Variants in GCNT1 observed in about 807,000 individuals in gnomAD.
GCNT1 encodes the protein beta-1,3-galactosyl-O-glycosyl-glycoprotein beta-1,6-N-acetylglucosaminyltransferase.
In GCNT1, 16 loss-of-function variants were observed where a neutral mutation model predicts 26.2. The observed-to-expected ratio is 0.61, with a 90% CI of 0.41 to 0.93. GCNT1 has a LOEUF of 0.93. Ranked by LOEUF, GCNT1 falls within the 40% of genes least tolerant of loss-of-function variation. The pLI is 0.00. For synonymous variants in GCNT1, 183 were observed against 190.8 expected, an observed-to-expected ratio of 0.96 and a Z score of 0.34; for missense variants, 477 against 526.7, an observed-to-expected ratio of 0.91 and a Z score of 0.92.
the GCNT1 span, among the ~76,000 whole-genome samples, chr9:76,404,198 T>C: frequency 6.6e-6 from 1 of 152,242 alleles, no homozygotes; most frequent in Admixed American, 6.5e-5. Context: ...TATAAAATTA[T>C]TTCAGTTTGT....
At chr9:76,491,001 T>TGGGA (rs1363562907) in intron 2 of GCNT1, among the ~76,000 whole-genome samples, 3 of 152,276 alleles carry the variant, frequency 2.0e-5, no homozygotes, top group Admixed American at 6.5e-5. Context: ...GTTACAGTGT[T>TGGGA]ACAGGGAAGA....
At chr9:76,439,095 C>T (rs929118921), upstream of GCNT1, among the ~76,000 whole-genome samples, 3 of 152,176 alleles carry the variant, frequency 2.0e-5, no homozygotes, top group African/African-American at 7.2e-5. Context: ...TGTTGTAAGC[C>T]AGTGGTTCTG....
upstream of GCNT1, among the ~76,000 whole-genome samples, chr9:76,455,237 T>C (rs1388483197): frequency 6.6e-6 from 1 of 152,184 alleles, no homozygotes; most frequent in Non-Finnish European, 1.5e-5. Context: ...AAGGGGCTTA[T>C]TCCAAATTCC....
upstream of GCNT1, chr9:76,459,021 C>G (rs1003145851): frequency 6.6e-6 from 1 of 152,326 alleles, no homozygotes; most frequent in South Asian, 2.1e-4. Context: ...CAGCGCTACT[C>G]CCAGACCACG....
rs763429622 is a variant in GCNT1 at position 76,506,537 on chromosome 9, A to G, written c.*2869A>G. The G allele has an allele frequency of 1.2e-5, 2 of 166,856 alleles. No homozygotes were observed. The highest frequency in any genetic ancestry group is 4.8e-5 in the African/African-American group (2 of 41,446). 10.3% of individuals were successfully genotyped at this position (166,856 alleles called of 1,614,324 possible). On this transcript the variant is annotated 3_prime_UTR_variant, in exon 4 of 4. Coordinates refer to ENST00000376730, the MANE Select transcript of GCNT1 (RefSeq NM_001490.5). ...TGACAGAGTGAAACTCGTATCTCCA[A>G]ACAAACAAACAAAAAGTCCTTAAAC...
intron 2 of GCNT1, among the ~76,000 whole-genome samples, chr9:76,489,680 C>G (rs1406628686): frequency 6.6e-6 from 1 of 152,132 alleles, no homozygotes; most frequent in Admixed American, 6.5e-5. Flanking sequence ...AATCCTCTAG[C>G]TAGACAGAAA....
chr9:76,424,607 A>G (rs952026876), intron 1 of GCNT1, among the ~76,000 whole-genome samples: 1 of 152,220 alleles, frequency 6.6e-6, no homozygotes, highest in African/African-American at 2.4e-5. Context: ...AACTAGATAG[A>G]CAAGACCTGG....
intron 1 of GCNT1, among the ~76,000 whole-genome samples, chr9:76,427,162 G>A (rs968272552): frequency 6.6e-6 from 1 of 151,324 alleles, no homozygotes; most frequent in African/African-American, 2.4e-5. Context: ...GCACGATAAG[G>A]AGAGAGTCCT....
chr9:76,400,501 T>A, the GCNT1 span, among the ~76,000 whole-genome samples: 5 of 152,200 alleles, frequency 3.3e-5, no homozygotes, highest in Non-Finnish European at 5.9e-5. Context: ...CAAATCACAC[T>A]AAAAGTCATG....
chr9:76,478,060 C>G (rs968457383), intron 2 of GCNT1, among the ~76,000 whole-genome samples: 2 of 152,148 alleles, frequency 1.3e-5, no homozygotes, highest in Admixed American at 1.3e-4. Context: ...CCAATCAGCA[C>G]TCTGTAAAAT....
At chr9:76,444,927 C>A (rs1199938942) in intron 1 of GCNT1, among the ~76,000 whole-genome samples, 1 of 152,176 alleles carries the variant, frequency 6.6e-6, no homozygotes, top group Admixed American at 6.5e-5. Context: ...CACACCTGTT[C>A]ATTTACGTGC....
chr9:76,487,446 C>A (rs1824609728), intron 2 of GCNT1, among the ~76,000 whole-genome samples: 2 of 152,240 alleles, frequency 1.3e-5, no homozygotes, highest in Admixed American at 6.5e-5. Flanking sequence ...ATGCTTCCTG[C>A]TGCCGAAGGG....
At chr9:76,415,160 T>C (rs1823121844), upstream of GCNT1, among the ~76,000 whole-genome samples, 2 of 151,992 alleles carry the variant, frequency 1.3e-5, no homozygotes, top group Admixed American at 1.3e-4. Flanking sequence ...TAGGCTCAGG[T>C]GATACTTCCA....
chr9:76,452,773 A>G (rs1455414027), intron 1 of GCNT1, among the ~76,000 whole-genome samples: 1 of 152,074 alleles, frequency 6.6e-6, no homozygotes, highest in African/African-American at 2.4e-5. Context: ...TCGATATGAG[A>G]TTTGGGCAGG....
intron 2 of GCNT1, among the ~76,000 whole-genome samples, chr9:76,488,986 C>T (rs1564243046): frequency 6.8e-6 from 1 of 147,304 alleles, no homozygotes; most frequent in South Asian, 2.1e-4. Flanking sequence ...GTCAAGAATT[C>T]GGTGAAGACT....
At chr9:76,443,773 T>G (rs1823519005) in intron 1 of GCNT1, among the ~76,000 whole-genome samples, 1 of 151,844 alleles carries the variant, frequency 6.6e-6, no homozygotes, top group Non-Finnish European at 1.5e-5. Flanking sequence ...CCCAGCTACT[T>G]GGGAGGCTGA....
chr9:76,416,270 A>C (rs1415067705), upstream of GCNT1, among the ~76,000 whole-genome samples: 1 of 152,114 alleles, frequency 6.6e-6, no homozygotes, highest in African/African-American at 2.4e-5. Flanking sequence ...TTCCCACTCC[A>C]TCCCCTTTCC....
the GCNT1 span, among the ~76,000 whole-genome samples, chr9:76,411,691 A>G: frequency 8.8e-6 from 1 of 113,614 alleles, no homozygotes; most frequent in African/African-American, 3.4e-5. Context: ...TAACACATCA[A>G]TTATACTTTT....
chr9:76,464,357 C>G lies in GCNT1; in HGVS notation c.-290+4180C>G, dbSNP rs1823948731. ...TCAGCCTCCTGAGTAGCTGGGACTA[C>G]AGGCACACGCCACTATGCCTGAGTA... On this transcript the variant is annotated intron_variant, in intron 2 of 3. Coordinates refer to ENST00000376730, the MANE Select transcript of GCNT1 (RefSeq NM_001490.5). 2.0e-5 allele frequency among the ~76,000 whole-genome samples: 3 copies of G among 151,814 alleles called. No individual in the cohort carries two copies. The South Asian group carries it at 6.3e-4, about 32-fold the overall frequency.
Sources: allele counts gnomAD v4.1 joint callset (sites outside exome capture counted in the v4.1 genomes callset), GRCh38; gene constraint gnomAD v4.1.1; transcripts MANE v1.5; gene names NCBI Gene and HGNC (gene_info 2026-07-23, HGNC 2026-07-21).